Variants in PEPD observed in about 807,000 individuals in gnomAD.
The protein encoded by PEPD is peptidase D.
Under a neutral mutation model 60.7 loss-of-function variants are expected in PEPD, and 53 were observed. The observed-to-expected ratio is 0.87, with a 90% CI of 0.70 to 1.10. The LOEUF is 1.10. Among genes scored for constraint, PEPD ranks in the 50% least tolerant of loss-of-function variants. The pLI is 0.00. For missense variants in PEPD, 711 were observed against 711.9 expected, an observed-to-expected ratio of 1.00 and a Z score of 0.01; for synonymous variants, 267 against 284.1, an observed-to-expected ratio of 0.94 and a Z score of 0.60.
At chr19:33,413,713 A>ACGTT in intron 9 of PEPD, 70 bp from the exon 10 acceptor site, 2 of 940,232 alleles carry the variant, frequency 2.1e-6, no homozygotes, top group Non-Finnish European at 1.7e-6. Flanking sequence ...AGCCCCATGA[A>ACGTT]CCCCAAGGGA....
At chr19:33,493,422 G>A in intron 4 of PEPD, 85 bp from the exon 5 acceptor site, 2 of 946,828 alleles carry the variant, frequency 2.1e-6, no homozygotes, top group South Asian at 1.3e-5. Context: ...CATAATGACA[G>A]TGCACATTTA....
intron 11 of PEPD, 121 bp from the exon 12 acceptor site, chr19:33,401,990 C>T: frequency 1.1e-6 from 1 of 901,946 alleles, no homozygotes; most frequent in Non-Finnish European, 1.8e-6. Context: ...GCAACTCCCC[C>T]TCACAATGAG....
chr19:33,469,193 C>G (rs1212291139), intron 7 of PEPD, among the ~76,000 whole-genome samples: 1 of 152,172 alleles, frequency 6.6e-6, no homozygotes, highest in East Asian at 1.9e-4. Context: ...ATCCCTGGCC[C>G]TTCTCTATGG....
chr19:33,449,460 C>T (rs1969655540), intron 9 of PEPD, among the ~76,000 whole-genome samples: 1 of 152,152 alleles, frequency 6.6e-6, no homozygotes, highest in Admixed American at 6.5e-5. Context: ...GGAGAGCTCA[C>T]CGGAGAAGCC....
At chr19:33,417,095 T>C (rs1968905908) in intron 9 of PEPD, among the ~76,000 whole-genome samples, 1 of 152,230 alleles carries the variant, frequency 6.6e-6, no homozygotes, top group African/African-American at 2.4e-5. Context: ...ATAAAAATGC[T>C]GCAGCTGCCC....
At chr19:33,473,962 A>G (rs1386292994) in intron 7 of PEPD, among the ~76,000 whole-genome samples, 1 of 152,264 alleles carries the variant, frequency 6.6e-6, no homozygotes, top group African/African-American at 2.4e-5. Flanking sequence ...AACAAAAATG[A>G]GAAAGCGAGT....
intron 9 of PEPD, among the ~76,000 whole-genome samples, chr19:33,423,677 T>A (rs1969084315): frequency 6.6e-6 from 1 of 152,258 alleles, no homozygotes; most frequent in South Asian, 2.1e-4. Flanking sequence ...ATGTTCATCA[T>A]TTTCTTATTG....
intron 7 of PEPD, among the ~76,000 whole-genome samples, chr19:33,468,550 C>T (rs1970061982): frequency 6.6e-6 from 1 of 152,220 alleles, no homozygotes; most frequent in Non-Finnish European, 1.5e-5. Context: ...CTGGTGGCTC[C>T]CCCACTCCCA....
At chr19:33,481,308 T>C (rs1163189044) in intron 6 of PEPD, among the ~76,000 whole-genome samples, 1 of 152,202 alleles carries the variant, frequency 6.6e-6, no homozygotes, top group Admixed American at 6.5e-5. Context: ...GGCTCATGCC[T>C]GCAGTCCCAG....
chr19:33,414,364 G>A (rs1364644835), intron 9 of PEPD, among the ~76,000 whole-genome samples: 1 of 152,250 alleles, frequency 6.6e-6, no homozygotes, highest in Non-Finnish European at 1.5e-5. Context: ...CCTGCACCGG[G>A]GAGGCCTCTA....
chr19:33,453,443 T>C lies in PEPD; in HGVS notation c.671+9552A>G, dbSNP rs931898739. Among the ~76,000 whole-genome samples the C allele has an allele frequency of 8.5e-5, 13 of 152,364 alleles. No homozygotes were observed. The South Asian group carries it at 2.7e-3, about 32-fold the overall frequency. On this transcript the variant is annotated intron_variant, in intron 9 of 14. Transcript: ENST00000244137. ...CTCATCTTACCGTGCCTTGCTTTCT[T>C]TTTTTAGAAATTGAAGGTTTGTGGC...
At chr19:33,500,799 C>A (rs1388222726) in intron 4 of PEPD, 139 bp downstream of exon 4, 2 of 753,000 alleles carry the variant, frequency 2.7e-6, no homozygotes, top group East Asian at 2.5e-5. Flanking sequence ...AATGGGAGCA[C>A]CTGCGGCGCA....
At chr19:33,394,425 C>G (rs2145333762) in intron 12 of PEPD, among the ~76,000 whole-genome samples, 1 of 152,380 alleles carries the variant, frequency 6.6e-6, no homozygotes, top group African/African-American at 2.4e-5. Flanking sequence ...CGCCGCTGGT[C>G]TTCCTTGCCT....
chr19:33,393,859 T>C (rs1246504560), intron 12 of PEPD, among the ~76,000 whole-genome samples: 1 of 152,266 alleles, frequency 6.6e-6, no homozygotes, highest in African/African-American at 2.4e-5. Context: ...ACAGGCCGTT[T>C]TACCTCAGGC....
intron 11 of PEPD, among the ~76,000 whole-genome samples, chr19:33,405,447 A>G (rs1968598979): frequency 6.6e-6 from 1 of 152,248 alleles, no homozygotes; most frequent in South Asian, 2.1e-4. Context: ...GGGGCTGCAG[A>G]AGCACTGCAG....
At chr19:33,410,271 G>GTCTGAGCTGAGCT (rs1968733256) in intron 11 of PEPD, among the ~76,000 whole-genome samples, 1 of 152,254 alleles carries the variant, frequency 6.6e-6, no homozygotes, top group African/African-American at 2.4e-5. Flanking sequence ...TGCCAGCATG[G>GTCTGAGCTGAGCT]CCTGAGCTGG....
At chr19:33,478,337 C>T (rs2145298262) in intron 6 of PEPD, among the ~76,000 whole-genome samples, 1 of 152,296 alleles carries the variant, frequency 6.6e-6, no homozygotes, top group East Asian at 1.9e-4. Flanking sequence ...AGCCCTGATC[C>T]CCACTAGGCA....
intron 3 of PEPD, among the ~76,000 whole-genome samples, chr19:33,510,059 G>A (rs1368238913): frequency 6.6e-6 from 1 of 152,224 alleles, no homozygotes; most frequent in Non-Finnish European, 1.5e-5. Flanking sequence ...GCACGCACAG[G>A]GCCATGCCAC....
intron 2 of PEPD, among the ~76,000 whole-genome samples, chr19:33,511,755 T>G (rs1970930442): frequency 1.3e-5 from 2 of 152,132 alleles, no homozygotes; most frequent in Non-Finnish European, 2.9e-5. Flanking sequence ...CGCAGAGTAT[T>G]TAAACCTGGA....
Sources: allele counts gnomAD v4.1 joint callset (sites outside exome capture counted in the v4.1 genomes callset), GRCh38; gene constraint gnomAD v4.1.1; transcripts MANE v1.5; gene names NCBI Gene and HGNC (gene_info 2026-07-23, HGNC 2026-07-21).